AKT2: variants seen among roughly 807,000 people sequenced by gnomAD.
AKT2 encodes the protein RAC-beta serine/threonine-protein kinase.
Under a neutral mutation model 58.6 loss-of-function variants are expected in AKT2, and 16 were observed. That is an observed-to-expected ratio of 0.27 (90% CI 0.18 to 0.41). The LOEUF (loss-of-function observed/expected upper bound fraction) is 0.41. Among genes scored for constraint, AKT2 ranks in the 10% least tolerant of loss-of-function variants. The pLI is 1.00. For missense variants in AKT2, 438 were observed against 661.0 expected, an observed-to-expected ratio of 0.66 and a Z score of 3.70; for synonymous variants, 253 against 254.0, an observed-to-expected ratio of 1.00 and a Z score of 0.04.
At chr19:40,257,080 G>GAGAGGTT (rs1293976874) in intron 2 of AKT2, 26 bp from the exon 3 acceptor site, 2 of 1,613,230 alleles carry the variant, frequency 1.2e-6, no homozygotes, top group African/African-American at 2.7e-5. Flanking sequence ...AAGGGAGGGA[G>GAGAGGTT]AGAGGTTAGG....
rs1973773788 is a variant in AKT2 at position 40,232,762 on chromosome 19, GAC to G, written c.*1108_*1109del. 4.3e-6 allele frequency: 1 copy of G among 233,516 alleles called. No individual in the cohort carries two copies. 14.5% of individuals were successfully genotyped at this position (233,516 alleles called of 1,614,324 possible). On this transcript the variant is annotated 3_prime_UTR_variant, in exon 14 of 14. Transcript: ENST00000392038. Reference sequence around the variant, plus strand: ...CACCCACGTGTGCCTGCGTCCCGCCGACACACGCAGTCCGAGGCACGCACAGG... The same window carrying G: ...CACCCACGTGTGCCTGCGTCCCGCCGACACGCAGTCCGAGGCACGCACAGG...
intron 9 of AKT2, 87 bp from the exon 10 acceptor site, chr19:40,236,472 G>A: frequency 6.4e-7 from 1 of 1,569,940 alleles, no homozygotes; most frequent in Non-Finnish European, 8.7e-7. Context: ...GATGCCCGGG[G>A]CTCCTGGACA....
At chr19:40,251,049 T>A (rs1013662691) in intron 4 of AKT2, among the ~76,000 whole-genome samples, 2 of 151,594 alleles carry the variant, frequency 1.3e-5, no homozygotes, top group Non-Finnish European at 1.5e-5. Flanking sequence ...CAAAAAAATT[T>A]AAAAATTCGC....
chr19:40,268,996 CA>C (rs1350440062), intron 1 of AKT2: 2 of 152,670 alleles, frequency 1.3e-5, no homozygotes, highest in African/African-American at 4.8e-5. Flanking sequence ...CGTGGTGGCA[CA>C]TGCTACTTGG....
At position 40,236,077 on chromosome 19, in the gene AKT2, C is replaced by T. The variant is rs763266151; in HGVS notation, c.988G>A (p.Ala330Thr). Reference sequence around the variant, plus strand: ...ACACCCAGCCCCCACCAGTCCACGGCCCGGCCATAGTCATTGTCCTCCAGC... The same window carrying T: ...ACACCCAGCCCCCACCAGTCCACGGTCCGGCCATAGTCATTGTCCTCCAGC... ...EVLEDNDYGR[A>T]VDWWGLGVVM... Residue 330 changes from alanine to threonine, a missense_variant, in exon 11 of 14, where the codon GCC (alanine) becomes ACC (threonine). Ala to Thr is a moderately conservative substitution (Grantham distance 58, BLOSUM62 0). This residue lies in a region of AKT2 where 46 missense variants were observed against 114.5 expected (regional missense o/e 0.40). Coordinates refer to ENST00000392038, the MANE Select transcript of AKT2 (RefSeq NM_001626.6). The T allele has an allele frequency of 1.2e-6, 2 of 1,614,140 alleles. No homozygotes were observed. The highest frequency in any genetic ancestry group is 1.7e-6 in the Non-Finnish European group (2 of 1,180,028).
At position 40,238,010 on chromosome 19, in the gene AKT2, C is replaced by G; in HGVS notation, c.790G>C (p.Glu264Gln). 1 of 1,613,278 alleles carries G rather than the reference C, an allele frequency of 6.2e-7. No homozygotes were observed. The highest frequency in any genetic ancestry group is 8.5e-7 in the Non-Finnish European group (1 of 1,179,744). Residue 264 changes from glutamate to glutamine, a missense_variant, in exon 9 of 14, where the codon GAG becomes CAG. Coordinates refer to ENST00000392038, the MANE Select transcript of AKT2 (RefSeq NM_001626.6). This position sits in a 1 kb window ranked among gnomAD's most constrained non-coding sequence, Gnocchi z 5.1. ...FYGAEIVSALEYLHSRDVVYR... is the reference protein window; with the variant it reads ...FYGAEIVSALQYLHSRDVVYR... The stretch of plus-strand genomic sequence containing the variant: ...ACCACGTCCCGCGAGTGCAAGTACT[C>G]AAGAGCCGAGACAATCTCTGCACCA...
rs1340824825 is a variant in AKT2, at chr19:40,236,116, G to A, written c.961-12C>T. 3.1e-6 allele frequency: 5 copies of A among 1,613,988 alleles called. No homozygotes were observed. Among genetic ancestry groups the A allele is most frequent in the Non-Finnish European group, 4.2e-6 (5 of 1,180,018 alleles). On this transcript the variant is annotated splice_polypyrimidine_tract_variant and intron_variant, in intron 10 of 13. Transcript: ENST00000392038. Reference sequence around the variant, plus strand: ...TTGTCCTCCAGCACCTGAGGATGGAGGAGAAATGAGGGCTGGGCCCGTGGC... The same window carrying A: ...TTGTCCTCCAGCACCTGAGGATGGAAGAGAAATGAGGGCTGGGCCCGTGGC...
At chr19:40,255,968 C>T (rs1975512823) in intron 3 of AKT2, among the ~76,000 whole-genome samples, 2 of 152,254 alleles carry the variant, frequency 1.3e-5, no homozygotes, top group South Asian at 4.1e-4. Flanking sequence ...GCCCTGCAGA[C>T]AGGCCATGGG....
In AKT2 at chr19:40,274,741, C is replaced by T. The variant is rs948831592; in HGVS notation, c.-84-9390G>A. 6.9e-5 allele frequency: 21 copies of T among 302,574 alleles called. No individual in the cohort carries two copies. The Admixed American group carries it at 7.7e-4, about 11-fold the overall frequency. 18.7% of individuals were successfully genotyped at this position (302,574 alleles called of 1,614,324 possible). ...GCAGGGGAGGAGCAGGGCTGAGGCGCGTTCGAGGCGCCTACAGGAGTGGGT... is the reference window on the plus strand; with the variant it reads ...GCAGGGGAGGAGCAGGGCTGAGGCGTGTTCGAGGCGCCTACAGGAGTGGGT... On this transcript the variant is annotated intron_variant, in intron 1 of 13. Transcript: ENST00000392038.
intron 4 of AKT2, among the ~76,000 whole-genome samples, chr19:40,247,656 G>A (rs1186291502): frequency 1.3e-5 from 2 of 152,092 alleles, no homozygotes; most frequent in Non-Finnish European, 2.9e-5. Context: ...TTTCAGAGAG[G>A]GGCCCCCACC....
At chr19:40,245,854 G>A (rs892667872) in intron 4 of AKT2, among the ~76,000 whole-genome samples, 6 of 152,150 alleles carry the variant, frequency 3.9e-5, no homozygotes, top group African/African-American at 1.2e-4. Flanking sequence ...GGTAATGAAA[G>A]AGTGAGGCAG....
chr19:40,277,108 G>A (rs554525673), intron 1 of AKT2, among the ~76,000 whole-genome samples: 291 of 152,298 alleles, frequency 1.9e-3, no homozygotes, highest in South Asian at 9.3e-3. Flanking sequence ...TTCACACACA[G>A]CTGGGGACAG....
intron 7 of AKT2, chr19:40,239,192 A>G (rs955676193): frequency 1.3e-5 from 7 of 537,310 alleles, no homozygotes; most frequent in Non-Finnish European, 2.0e-5. Context: ...ATGCTGAACC[A>G]TCTTGTCCTC....
chr19:40,255,123 C>CT, intron 4 of AKT2, 35 bp downstream of exon 4: 2 of 1,537,952 alleles, frequency 1.3e-6, no homozygotes, highest in Non-Finnish European at 1.8e-6. Flanking sequence ...GGCTTGCTCC[C>CT]TCTCAAGGGC....
chr19:40,252,373 G>C (rs181857097), intron 4 of AKT2, among the ~76,000 whole-genome samples: 12 of 152,300 alleles, frequency 7.9e-5, no homozygotes, highest in Admixed American at 7.8e-4. Context: ...GGCAGGTGGG[G>C]CTCTCCAGCC....
intron 1 of AKT2, among the ~76,000 whole-genome samples, chr19:40,271,920 T>G (rs2077223125): frequency 6.6e-6 from 1 of 152,216 alleles, no homozygotes; most frequent in Non-Finnish European, 1.5e-5. Flanking sequence ...ACCGCTGTCC[T>G]AAGTATGTAC....
chr19:40,235,230 GA>G lies in AKT2; in HGVS notation c.1263+32del. 6.2e-7 allele frequency: 1 copy of G among 1,613,372 alleles called. No homozygotes were observed. The highest frequency in any genetic ancestry group is 8.5e-7 in the Non-Finnish European group (1 of 1,179,300). On this transcript the variant is annotated intron_variant, in intron 12 of 13. Coordinates refer to ENST00000392038, the MANE Select transcript of AKT2 (RefSeq NM_001626.6). The surrounding 1 kb of genome is among the most constrained non-coding windows in gnomAD (Gnocchi z 6.3). ...GTCACCACGAGTGGGCCAGGTCCCT[GA>G]GGGTCCTGCTGGGGCAAGCAGTGGG...
chr19:40,258,709 A>T lies in AKT2; in HGVS notation c.47-1655T>A, dbSNP rs183240565. 3.3e-5 allele frequency among the ~76,000 whole-genome samples: 5 copies of T among 152,128 alleles called. No homozygotes were observed. The East Asian group carries it at 9.6e-4, about 29-fold the overall frequency. ...AAGCCTCCAAAAAAATACTTAACCA[A>T]GGGGGTGAAGGGCTTGTATACTACA... On this transcript the variant is annotated intron_variant, in intron 2 of 13. Transcript: ENST00000392038.
In AKT2 at chr19:40,238,369, C is replaced by A. The variant is rs185668859; in HGVS notation, c.709-278G>T. Reference sequence around the variant, plus strand: ...TGGCATGGAGGCAAAAAGAAGCACACGTCATGACCAAGTAACAATAGGCCA... The same window carrying A: ...TGGCATGGAGGCAAAAAGAAGCACAAGTCATGACCAAGTAACAATAGGCCA... On this transcript the variant is annotated intron_variant, in intron 8 of 13. Transcript: ENST00000392038. This position sits in a 1 kb window ranked among gnomAD's most constrained non-coding sequence, Gnocchi z 5.1. Among the ~76,000 whole-genome samples the A allele has an allele frequency of 6.8e-4, 104 of 152,300 alleles. 1 individual carries two copies. The Middle Eastern group carries it at 0.014, about 20-fold the overall frequency.
Sources: allele counts gnomAD v4.1 joint callset (sites outside exome capture counted in the v4.1 genomes callset), GRCh38; gene constraint gnomAD v4.1.1; regional missense constraint gnomAD v4.1.1; non-coding constraint Gnocchi (gnomAD v3.1); transcripts MANE v1.5; gene names NCBI Gene and HGNC (gene_info 2026-07-23, HGNC 2026-07-21).